The following CRTC1 variants were observed in gnomAD, a reference collection of about 807,000 sequenced individuals.
CRTC1 encodes the protein CREB-regulated transcription coactivator 1.
CRTC1 carries 18 observed loss-of-function variants against 66.1 expected under a neutral mutation model. The ratio of observed to expected loss-of-function variants is 0.27; its 90% confidence interval spans 0.19 to 0.40. The LOEUF is 0.40. Ranked by LOEUF, CRTC1 falls within the 10% of genes least tolerant of loss-of-function variation. CRTC1 has a pLI of 1.00. For synonymous variants in CRTC1, 416 were observed against 398.8 expected (o/e 1.04, Z -0.51); for missense variants, 669 against 887.9 (o/e 0.75, Z 3.13).
intron 1 of CRTC1, among the ~76,000 whole-genome samples, chr19:18,721,067 C>T (rs370766823): frequency 3.5e-4 from 54 of 152,276 alleles, no homozygotes; most frequent in African/African-American, 7.5e-4. Flanking sequence ...TGGCTCTAGG[C>T]GCTCTTTGCA....
rs535483059 is a variant in CRTC1, at chr19:18,775,092, G to A, written c.1512+106G>A. The A allele has an allele frequency of 1.9e-4, 217 of 1,133,706 alleles. No homozygotes were observed. The East Asian group carries it at 5.4e-3, about 28-fold the overall frequency. The allele number at this position is 1,133,706 out of a possible 1,614,324, so 70.2% of individuals were successfully genotyped here. A position where few individuals can be genotyped will look rare whatever the true frequency, so the allele number is the denominator to read the frequency against. On this transcript the variant is annotated intron_variant, in intron 12 of 13. Transcript: ENST00000321949. ...CGAGTCAGAGCTGCACGTGCTCGGGGGGCCCGTGCCTGCCCCTCAGCTTTG... is the reference window on the plus strand; with the variant it reads ...CGAGTCAGAGCTGCACGTGCTCGGGAGGCCCGTGCCTGCCCCTCAGCTTTG...
chr19:18,704,605 G>A (rs191020507), intron 1 of CRTC1, among the ~76,000 whole-genome samples: 9 of 152,108 alleles, frequency 5.9e-5, no homozygotes, highest in Non-Finnish European at 1.2e-4. Context: ...CCAGCTACTC[G>A]GGATGCTGAG....
At position 18,768,665 on chromosome 19, in the gene CRTC1, C is replaced by A; in HGVS notation, c.1192C>A (p.Leu398Met). 1.3e-6 allele frequency: 2 copies of A among 1,550,802 alleles called. No homozygotes were observed. Among genetic ancestry groups the A allele is most frequent in the Non-Finnish European group, 1.7e-6 (2 of 1,147,812 alleles). Reference sequence around the variant, plus strand: ...CGTCCGCCTGCCCCCTGGTGGCCCCCTGTTGCCCAGCGCCAGCCTGACTCG... The same window carrying A: ...CGTCCGCCTGCCCCCTGGTGGCCCCATGTTGCCCAGCGCCAGCCTGACTCG... ...APVRLPPGGP[L>M]LPSASLTRGP... Residue 398 changes from leucine (L) to methionine (M), a missense_variant, in exon 10 of 14, where the codon CTG (leucine) becomes ATG (methionine). Coordinates refer to ENST00000321949, the MANE Select transcript of CRTC1 (RefSeq NM_015321.3). This position sits in a 1 kb window ranked among gnomAD's most constrained non-coding sequence, Gnocchi z 5.6.
At chr19:18,721,123 C>G (rs1048617594) in intron 1 of CRTC1, among the ~76,000 whole-genome samples, 11 of 151,920 alleles carry the variant, frequency 7.2e-5, no homozygotes, top group Middle Eastern at 3.4e-3. Context: ...CCTCCTCTCA[C>G]TGTGTCTCTT....
At position 18,765,543 on chromosome 19, in the gene CRTC1, TG is replaced by T; in HGVS notation, c.1011+21del. ...CCATCACTCAGGTGCGAGGGCAAGG[TG>T]GGGGGCAGGTGGGAGGGGGAAAGGG... is the stretch of plus-strand genomic sequence containing the variant. On this transcript the variant is annotated intron_variant, in intron 9 of 13. Coordinates refer to ENST00000321949, the MANE Select transcript of CRTC1 (RefSeq NM_015321.3). The T allele has an allele frequency of 3.8e-6, 6 of 1,594,258 alleles. No homozygotes were observed. Among genetic ancestry groups the T allele is most frequent in the Non-Finnish European group, 3.4e-6 (4 of 1,173,382 alleles).
chr19:18,759,109 G>A (rs1340765696), intron 6 of CRTC1, among the ~76,000 whole-genome samples: 1 of 152,204 alleles, frequency 6.6e-6, no homozygotes, highest in East Asian at 1.9e-4. Context: ...GGAGGCTGAG[G>A]CGGGAAGATC....
intron 1 of CRTC1, among the ~76,000 whole-genome samples, chr19:18,711,666 G>A (rs959536684): frequency 4.6e-5 from 7 of 152,192 alleles, no homozygotes; most frequent in Admixed American, 1.3e-4. Context: ...GGGCGGCCGT[G>A]CTGGTCCTGG....
chr19:18,690,035 G>A (rs966889932), intron 1 of CRTC1, among the ~76,000 whole-genome samples: 7 of 149,394 alleles, frequency 4.7e-5, no homozygotes, highest in African/African-American at 1.7e-4. Context: ...GGATTTGGTG[G>A]CATTTCTGCA....
chr19:18,744,912 AG>A (rs1204282499), intron 2 of CRTC1, among the ~76,000 whole-genome samples: 1 of 152,124 alleles, frequency 6.6e-6, no homozygotes, highest in Non-Finnish European at 1.5e-5. Flanking sequence ...GCTTCTGGAG[AG>A]GAGACTCACT....
chr19:18,764,537 A>G (rs1396094700), intron 8 of CRTC1, among the ~76,000 whole-genome samples: 1 of 152,256 alleles, frequency 6.6e-6, no homozygotes, highest in Non-Finnish European at 1.5e-5. Context: ...TCACTGCAGC[A>G]GAATCCAAGG....
chr19:18,726,098 TG>T (rs1358042498), intron 1 of CRTC1, among the ~76,000 whole-genome samples: 1 of 152,266 alleles, frequency 6.6e-6, no homozygotes, highest in East Asian at 1.9e-4. Flanking sequence ...TCCCAGCTGG[TG>T]ATGCAGGAAC....
chr19:18,702,433 C>G (rs1205995657), intron 1 of CRTC1, among the ~76,000 whole-genome samples: 1 of 151,650 alleles, frequency 6.6e-6, no homozygotes, highest in Admixed American at 6.6e-5. Context: ...CCTGTGTTGC[C>G]TACGCTGGTC....
intron 1 of CRTC1, among the ~76,000 whole-genome samples, chr19:18,701,365 C>T (rs902727227): frequency 1.3e-5 from 2 of 152,394 alleles, no homozygotes; most frequent in South Asian, 2.1e-4. Context: ...GATGCATCCA[C>T]GCAAAGTGTC....
intron 3 of CRTC1, among the ~76,000 whole-genome samples, chr19:18,746,625 C>G (rs2054244621): frequency 6.6e-6 from 1 of 152,144 alleles, no homozygotes; most frequent in African/African-American, 2.4e-5. Flanking sequence ...TTTCCGTGGG[C>G]TGGGGGAGCT....
intron 3 of CRTC1, among the ~76,000 whole-genome samples, chr19:18,746,640 C>T (rs924861630): frequency 6.6e-5 from 10 of 152,130 alleles, no homozygotes; most frequent in Admixed American, 2.0e-4. Flanking sequence ...GGAGCTTGAC[C>T]AGCTGGGCCC....
chr19:18,715,251 A>T (rs2053480980), intron 1 of CRTC1, among the ~76,000 whole-genome samples: 1 of 152,066 alleles, frequency 6.6e-6, no homozygotes, highest in South Asian at 2.1e-4. Flanking sequence ...CATTTGAGAC[A>T]GAGACTCGCT....
At position 18,771,503 on chromosome 19, in the gene CRTC1, C is replaced by T; in HGVS notation, c.1382C>T (p.Ser461Leu). 1.9e-6 allele frequency: 3 copies of T among 1,613,776 alleles called. No homozygotes were observed. The highest frequency in any genetic ancestry group is 2.5e-6 in the Non-Finnish European group (3 of 1,179,806). The change falls in exon 11 of 14, where the codon TCG becomes TTG. Residue 461 changes from serine (S) to leucine (L), a missense_variant. Around this residue, in one of 8 missense-constraint regions of CRTC1, gnomAD observed 4 missense variants for 16.9 expected, o/e 0.24. Transcript: ENST00000321949. This position sits in a 1 kb window ranked among gnomAD's most constrained non-coding sequence, Gnocchi z 4.6. Reference sequence around the variant, plus strand: ...TCCCCGGCCAACCAGTCTCCCACCTCGCCAGTCTCCAATCAAGGCTTCTCC... The same window carrying T: ...TCCCCGGCCAACCAGTCTCCCACCTTGCCAGTCTCCAATCAAGGCTTCTCC... ...AGSPANQSPT[S>L]PVSNQGFSPG...
intron 11 of CRTC1, among the ~76,000 whole-genome samples, chr19:18,772,848 T>A (rs1601015403): frequency 1.3e-5 from 2 of 152,184 alleles, no homozygotes; most frequent in Non-Finnish European, 2.9e-5. Flanking sequence ...TCTGGTCTCG[T>A]CGTGTGGTAC....
intron 1 of CRTC1, among the ~76,000 whole-genome samples, chr19:18,706,222 T>TTTTTTTTG (rs1568487164): frequency 8.4e-6 from 1 of 119,172 alleles, no homozygotes; most frequent in Non-Finnish European, 1.7e-5. Flanking sequence ...TTTTTTTTTT[T>TTTTTTTTG]TAGACAGAGT....
Sources: gnomAD v4.1 joint callset for allele counts (sites outside exome capture counted in the v4.1 genomes callset) on GRCh38, gnomAD v4.1.1 for gene constraint, gnomAD v4.1.1 regional missense constraint, Gnocchi (gnomAD v3.1) non-coding constraint, MANE v1.5 for transcripts, NCBI Gene and HGNC (gene_info 2026-07-23, HGNC 2026-07-21) for gene names.